The following BPTF variants were observed in gnomAD, a reference collection of about 807,000 sequenced individuals.
The protein encoded by BPTF is bromodomain PHD finger transcription factor.
BPTF carries 18 observed loss-of-function variants against 292.5 expected under a neutral mutation model. That is an observed-to-expected ratio of 0.06 (90% CI 0.04 to 0.09). BPTF has a LOEUF of 0.09. Among genes scored for constraint, BPTF ranks in the 10% least tolerant of loss-of-function variants. The pLI, the probability that BPTF is intolerant of heterozygous loss-of-function variation, is 1.00. For synonymous variants in BPTF, 1,225 were observed against 1,251.9 expected (o/e 0.98, Z 0.45); for missense variants, 2,726 against 3,498.7 (o/e 0.78, Z 5.57).
At position 67,829,127 on chromosome 17, in the gene BPTF, T is replaced by G. The variant is rs1454388754; in HGVS notation, c.613+2790T>G. 3.3e-5 allele frequency among the ~76,000 whole-genome samples: 5 copies of G among 152,112 alleles called. 1 individual carries two copies. The South Asian group carries it at 8.3e-4, about 25-fold the overall frequency. Reference sequence around the variant, plus strand: ...GTTTTTGTTTTTTGTTGTTGTTGTTTTTTCTAATTGGTTTTTGATGGACAA... The same window carrying G: ...GTTTTTGTTTTTTGTTGTTGTTGTTGTTTCTAATTGGTTTTTGATGGACAA... On this transcript the variant is annotated intron_variant, in intron 1 of 27. Transcript: ENST00000306378.
chr17:67,898,258 G>A (rs1301228866), intron 7 of BPTF, among the ~76,000 whole-genome samples: 1 of 152,174 alleles, frequency 6.6e-6, no homozygotes, highest in Non-Finnish European at 1.5e-5. Flanking sequence ...GCTACTAGGA[G>A]GCTGAGGCAG....
chr17:67,893,858 T>G (rs1367924944), intron 6 of BPTF, 133 bp downstream of exon 6: 2 of 1,126,018 alleles, frequency 1.8e-6, no homozygotes, highest in Non-Finnish European at 2.5e-6. Context: ...GACAGGACAT[T>G]AGAGGCATGA....
chr17:67,951,306 T>C (rs532527912), intron 23 of BPTF: 1 of 152,160 alleles, frequency 6.6e-6, no homozygotes, highest in African/African-American at 2.4e-5. Context: ...ATCATTAGCA[T>C]TAAAAAAAAA....
chr17:67,872,194 G>A (rs1436510872), intron 3 of BPTF, among the ~76,000 whole-genome samples: 3 of 152,124 alleles, frequency 2.0e-5, no homozygotes, highest in African/African-American at 7.2e-5. Flanking sequence ...TTGTATGAAT[G>A]TATATATGTA....
At chr17:67,856,463 A>C (rs74911063) in intron 2 of BPTF, among the ~76,000 whole-genome samples, 2,874 of 151,510 alleles carry the variant, frequency 0.019, 84 homozygotes, top group African/African-American at 0.065. Context: ...TGGTTTTTCT[A>C]TTTCATATTC....
At chr17:67,862,588 C>T (rs546261167) in intron 2 of BPTF, among the ~76,000 whole-genome samples, 4 of 152,192 alleles carry the variant, frequency 2.6e-5, no homozygotes, top group East Asian at 1.9e-4. Context: ...GCTGCTTGAC[C>T]AAGAGCTTAG....
chr17:67,896,226 T>C (rs558268093), intron 7 of BPTF, among the ~76,000 whole-genome samples: 8 of 152,210 alleles, frequency 5.3e-5, no homozygotes, highest in Non-Finnish European at 1.2e-4. Context: ...CCTCCCAAAG[T>C]GCTGGGATTA....
At chr17:67,922,807 A>G (rs1400592931) in intron 13 of BPTF, 33 bp from the exon 14 acceptor site, 5 of 1,570,140 alleles carry the variant, frequency 3.2e-6, no homozygotes, top group Admixed American at 4.2e-5. Flanking sequence ...TAGAAGCAAT[A>G]TTGCTTAAAA....
At chr17:67,904,980 AC>A (rs1214856772) in intron 9 of BPTF, 140 bp downstream of exon 9, 1 of 609,770 alleles carries the variant, frequency 1.6e-6, no homozygotes, top group Non-Finnish European at 2.6e-6. Flanking sequence ...AGTTTAGTTT[AC>A]TAAAACCCTA....
Position 67,966,611 on chromosome 17 carries a change from C to T in BPTF, c.8494C>T (p.Pro2832Ser). The change falls in exon 26 of 28, where the codon CCT (proline) becomes TCT (serine). Residue 2832 changes from proline to serine, a missense_variant. By Grantham distance (74) the Pro-to-Ser change is moderately conservative. Coordinates refer to ENST00000306378, the MANE Select transcript of BPTF (RefSeq NM_182641.4). ...MAWPFLEPVD[P>S]NDAPDYYGVI... is the part of the protein sequence containing the mutation. ...CTGGCCTTTCCTTGAACCAGTAGAC[C>T]CTAATGATGCACCAGATTATTATGG... 1 of 1,600,614 alleles carries T rather than the reference C, an allele frequency of 6.2e-7. No individual in the cohort carries two copies. The highest frequency in any genetic ancestry group is 8.5e-7 in the Non-Finnish European group (1 of 1,175,448).
chr17:67,866,655 G>C lies in BPTF; in HGVS notation c.1628G>C (p.Gly543Ala). The C allele has an allele frequency of 6.2e-7, 1 of 1,613,786 alleles. No homozygotes were observed. The highest frequency in any genetic ancestry group is 1.1e-5 in the South Asian group (1 of 91,026). The change falls in exon 3 of 28, where the codon GGC (glycine) becomes GCC (alanine). Residue 543 changes from glycine to alanine, a missense_variant. Physicochemically the swap from Gly to Ala is moderately conservative, Grantham distance 60. Transcript: ENST00000306378. Reference protein sequence around the residue: ...ITEDLTNKARGSNKSFLAAAN... With the variant: ...ITEDLTNKARASNKSFLAAAN... ...GAAGACCTGACCAATAAGGCTCGGG[G>C]CAGTAACAAATCCTTTCTGGCGGCA...
intron 1 of BPTF, among the ~76,000 whole-genome samples, chr17:67,829,288 C>G (rs1348228810): frequency 3.3e-5 from 5 of 151,148 alleles, no homozygotes; most frequent in African/African-American, 1.2e-4. Flanking sequence ...GGATGCTTTA[C>G]CTTTTGCAAC....
At chr17:67,910,659 G>A (rs2062591232) in intron 10 of BPTF, among the ~76,000 whole-genome samples, 1 of 152,146 alleles carries the variant, frequency 6.6e-6, no homozygotes, top group East Asian at 1.9e-4. Flanking sequence ...AATAAGCCAG[G>A]CATGGTGGCA....
chr17:67,895,224 T>G (rs1396375100), intron 7 of BPTF, among the ~76,000 whole-genome samples: 2 of 149,970 alleles, frequency 1.3e-5, no homozygotes, highest in African/African-American at 4.9e-5. Flanking sequence ...TCCCAGGTAC[T>G]CGGGAGGCTG....
intron 2 of BPTF, among the ~76,000 whole-genome samples, chr17:67,859,744 G>C (rs2058962993): frequency 6.6e-6 from 1 of 152,162 alleles, no homozygotes; most frequent in Non-Finnish European, 1.5e-5. Flanking sequence ...GAGTATTTAT[G>C]AAATCTTTAA....
intron 1 of BPTF, among the ~76,000 whole-genome samples, chr17:67,846,366 C>T (rs2058030628): frequency 6.6e-6 from 1 of 152,102 alleles, no homozygotes. Flanking sequence ...ATTTGAACTT[C>T]ACTTATTGTG....
intron 9 of BPTF, among the ~76,000 whole-genome samples, chr17:67,908,397 T>G (rs961066102): frequency 2.0e-5 from 3 of 152,016 alleles, no homozygotes; most frequent in Non-Finnish European, 2.9e-5. Flanking sequence ...TCAAGTGATC[T>G]GCCTGCCTCA....
At chr17:67,973,899 C>T (rs1555692443) in intron 26 of BPTF, 1 of 151,820 alleles carries the variant, frequency 6.6e-6, no homozygotes, top group East Asian at 1.9e-4. Flanking sequence ...TAAATCTGTT[C>T]CTGTTTTGAA....
intron 1 of BPTF, among the ~76,000 whole-genome samples, chr17:67,848,245 A>T (rs551668008): frequency 1.3e-5 from 2 of 152,060 alleles, no homozygotes; most frequent in East Asian, 3.9e-4. Flanking sequence ...CTGGGATTTG[A>T]TCTTGGCATG....
Sources: gnomAD v4.1 joint callset for allele counts (sites outside exome capture counted in the v4.1 genomes callset) on GRCh38, gnomAD v4.1.1 for gene constraint, MANE v1.5 for transcripts, NCBI Gene and HGNC (gene_info 2026-07-23, HGNC 2026-07-21) for gene names.